The following SRBD1 variants were observed in gnomAD, a reference collection of about 807,000 sequenced individuals.
SRBD1 encodes S1 RNA binding domain 1.
In SRBD1, 88 loss-of-function variants were observed where a neutral mutation model predicts 115.3. The observed-to-expected ratio is 0.76, with a 90% CI of 0.64 to 0.91. The LOEUF is 0.91. Ranked by LOEUF, SRBD1 falls within the 40% of genes least tolerant of loss-of-function variation. The pLI is 0.00. For missense variants in SRBD1, 1,385 were observed against 1,177.4 expected (o/e 1.18, Z -2.58); for synonymous variants, 509 against 407.7 (o/e 1.25, Z -2.99).
chr2:45,412,331 T>A (rs570456185), intron 19 of SRBD1, among the ~76,000 whole-genome samples: 19 of 152,232 alleles, frequency 1.2e-4, no homozygotes, highest in Admixed American at 1.2e-3. Flanking sequence ...AGAATATTAT[T>A]TTTTACTTCT....
intron 20 of SRBD1, among the ~76,000 whole-genome samples, chr2:45,390,231 T>C (rs550941557): frequency 1.3e-5 from 2 of 152,330 alleles, no homozygotes; most frequent in South Asian, 4.1e-4. Context: ...ATATTCTTTC[T>C]CTTCTTTCAA....
chr2:45,553,702 C>T lies in SRBD1; in HGVS notation c.1438G>A (p.Glu480Lys). 1 of 1,605,754 alleles carries T rather than the reference C, an allele frequency of 6.2e-7. No homozygotes were observed. Among genetic ancestry groups the T allele is most frequent in the Non-Finnish European group, 8.5e-7 (1 of 1,176,374 alleles). ...GAATTATATAAGATCTTCATTAACTCTGGCCTTGCAAAGCTACGTGGTCTC... is the reference window on the plus strand; with the variant it reads ...GAATTATATAAGATCTTCATTAACTTTGGCCTTGCAAAGCTACGTGGTCTC... Reference protein sequence around the residue: ...RWRPRSFARPELMKILYNSLN... With the variant: ...RWRPRSFARPKLMKILYNSLN... Residue 480 changes from glutamate (E) to lysine (K), a missense_variant, in exon 11 of 21, where the codon GAG (glutamate) becomes AAG (lysine). By Grantham distance (56) the Glu-to-Lys change is moderately conservative. Transcript: ENST00000263736.
At chr2:45,577,631 C>T (rs1268310328) in intron 7 of SRBD1, among the ~76,000 whole-genome samples, 4 of 151,318 alleles carry the variant, frequency 2.6e-5, no homozygotes, top group African/African-American at 9.8e-5. Context: ...TGGTCTGTGG[C>T]AAGCAAGCAA....
At chr2:45,539,218 G>C (rs1671856197) in intron 14 of SRBD1, among the ~76,000 whole-genome samples, 1 of 151,606 alleles carries the variant, frequency 6.6e-6, no homozygotes. Context: ...CTATGAGTTG[G>C]CAAGAAAGAA....
At chr2:45,554,090 A>T (rs573919086) in intron 10 of SRBD1, among the ~76,000 whole-genome samples, 4 of 152,296 alleles carry the variant, frequency 2.6e-5, no homozygotes, top group African/African-American at 9.6e-5. Flanking sequence ...CCCCATATCC[A>T]TACCTTGAAG....
At chr2:45,416,630 T>A (rs942954277) in intron 18 of SRBD1, among the ~76,000 whole-genome samples, 1 of 152,254 alleles carries the variant, frequency 6.6e-6, no homozygotes, top group Admixed American at 6.5e-5. Flanking sequence ...TATACATTTT[T>A]AAAATAATAA....
At chr2:45,463,630 A>T (rs1290618930) in intron 16 of SRBD1, among the ~76,000 whole-genome samples, 1 of 152,190 alleles carries the variant, frequency 6.6e-6, no homozygotes, top group Non-Finnish European at 1.5e-5. Flanking sequence ...ATTATATTAC[A>T]TGGTTTTTTC....
intron 9 of SRBD1, chr2:45,567,902 C>T (rs1470020571): frequency 6.6e-6 from 1 of 152,100 alleles, no homozygotes; most frequent in East Asian, 1.9e-4. Context: ...TGCTCTTTTT[C>T]ACCATACCTA....
chr2:45,534,365 T>C (rs1671701078), intron 14 of SRBD1, among the ~76,000 whole-genome samples: 1 of 152,042 alleles, frequency 6.6e-6, no homozygotes, highest in East Asian at 1.9e-4. Context: ...AAGGAAACAC[T>C]ATAAACAAGA....
intron 14 of SRBD1, among the ~76,000 whole-genome samples, chr2:45,539,743 T>C (rs1351100194): frequency 6.6e-6 from 1 of 152,148 alleles, no homozygotes; most frequent in Non-Finnish European, 1.5e-5. Flanking sequence ...GCAAATCCTC[T>C]TTGAAGCAAC....
At chr2:45,515,133 A>G (rs1402056728) in intron 14 of SRBD1, among the ~76,000 whole-genome samples, 1 of 152,180 alleles carries the variant, frequency 6.6e-6, no homozygotes, top group Non-Finnish European at 1.5e-5. Context: ...GAGTAGAAGA[A>G]ATTATATCCT....
At chr2:45,534,634 G>A (rs1008268474) in intron 14 of SRBD1, among the ~76,000 whole-genome samples, 2 of 151,868 alleles carry the variant, frequency 1.3e-5, no homozygotes, top group Non-Finnish European at 2.9e-5. Flanking sequence ...TGCATATAGA[G>A]GAGACAGGAT....
intron 14 of SRBD1, among the ~76,000 whole-genome samples, chr2:45,501,698 C>T (rs2103895278): frequency 6.6e-6 from 1 of 152,312 alleles, no homozygotes; most frequent in East Asian, 1.9e-4. Flanking sequence ...ATTGGTAGCA[C>T]AGCAGTCTGA....
At chr2:45,496,490 TAAAAAG>T in intron 14 of SRBD1, among the ~76,000 whole-genome samples, 1 of 151,758 alleles carries the variant, frequency 6.6e-6, no homozygotes, top group South Asian at 2.1e-4. Flanking sequence ...TAATAATAAT[TAAAAAG>T]AGAAAGATAG....
intron 15 of SRBD1, among the ~76,000 whole-genome samples, chr2:45,477,338 C>T (rs985012441): frequency 1.7e-4 from 26 of 152,306 alleles, no homozygotes; most frequent in African/African-American, 5.5e-4. Context: ...TTTGGAAAAA[C>T]AAATAAAACG....
intron 5 of SRBD1, among the ~76,000 whole-genome samples, chr2:45,582,163 C>G (rs1327492759): frequency 6.6e-6 from 1 of 152,264 alleles, no homozygotes; most frequent in African/African-American, 2.4e-5. Flanking sequence ...CAACTACAGT[C>G]TCCTTCAAGC....
chr2:45,421,484 G>A (rs1257392099), intron 16 of SRBD1, among the ~76,000 whole-genome samples: 1 of 121,616 alleles, frequency 8.2e-6, no homozygotes, highest in African/African-American at 3.3e-5. Flanking sequence ...TCCAGCCTGG[G>A]TGACGGTGTG....
intron 7 of SRBD1, among the ~76,000 whole-genome samples, chr2:45,576,319 G>A (rs1673175680): frequency 6.6e-6 from 1 of 151,756 alleles, no homozygotes; most frequent in South Asian, 2.1e-4. Context: ...CAAAATGTGT[G>A]TTAATCAGCT....
chr2:45,428,224 A>G (rs962807460), intron 16 of SRBD1, among the ~76,000 whole-genome samples: 2 of 152,216 alleles, frequency 1.3e-5, no homozygotes, highest in African/African-American at 4.8e-5. Flanking sequence ...CTACATGGAA[A>G]CTGAACAACC....
Sources: allele counts gnomAD v4.1 joint callset (sites outside exome capture counted in the v4.1 genomes callset), GRCh38; gene constraint gnomAD v4.1.1; transcripts MANE v1.5; gene names NCBI Gene and HGNC (gene_info 2026-07-23, HGNC 2026-07-21).